Variants in GRIK2 observed in about 807,000 individuals in gnomAD.
GRIK2 encodes glutamate receptor ionotropic, kainate 2.
Under a neutral mutation model 100.3 loss-of-function variants are expected in GRIK2, and 32 were observed. That is an observed-to-expected ratio of 0.32 (90% CI 0.24 to 0.43). The LOEUF (loss-of-function observed/expected upper bound fraction) is 0.43, where lower values mean the gene tolerates loss of function less well. GRIK2 is among the 20% of genes least tolerant of loss of function. The pLI is 1.00. For missense variants in GRIK2, 843 were observed against 1,114.9 expected, an observed-to-expected ratio of 0.76 and a Z score of 3.47; for synonymous variants, 417 against 389.4, an observed-to-expected ratio of 1.07 and a Z score of -0.83.
At chr6:102,065,835 C>G (rs1258935669) in intron 16 of GRIK2, 1 of 1,503,648 alleles carries the variant, frequency 6.7e-7, no homozygotes, top group Non-Finnish European at 8.9e-7. Context: ...ATGTATTCCT[C>G]CCTATTTTGG....
intron 7 of GRIK2, among the ~76,000 whole-genome samples, chr6:101,735,882 A>G (rs74189177): frequency 0.033 from 5,000 of 152,308 alleles, 141 homozygotes; most frequent in East Asian, 0.12. Context: ...CATCTGAGAT[A>G]AGGCAAGTTC....
At chr6:101,671,317 T>C (rs1445627380) in intron 4 of GRIK2, among the ~76,000 whole-genome samples, 1 of 152,174 alleles carries the variant, frequency 6.6e-6, no homozygotes, top group East Asian at 1.9e-4. Context: ...CATTATTAGT[T>C]ATTTAATAAC....
At chr6:101,903,653 A>T (rs1788026777) in intron 12 of GRIK2, among the ~76,000 whole-genome samples, 1 of 151,676 alleles carries the variant, frequency 6.6e-6, no homozygotes, top group Non-Finnish European at 1.5e-5. Flanking sequence ...CATTACTCTA[A>T]TATTTTAAGT....
chr6:101,595,698 A>G lies in GRIK2; in HGVS notation c.116-26251A>G, dbSNP rs796701820. 1.3e-3 allele frequency among the ~76,000 whole-genome samples: 172 copies of G among 136,718 alleles called. 1 individual carries two copies. Among genetic ancestry groups the G allele is most frequent in the East Asian group, 8.7e-3 (40 of 4,584 alleles). The allele number at this position is 136,718 out of a possible 152,430, so 89.7% of individuals were successfully genotyped here. ...AATATATTTGTGCATGTATATATAT[A>G]TGTGTGTGTGTGTGTGTGTGTATAT... is the stretch of plus-strand genomic sequence containing the variant. On this transcript the variant is annotated intron_variant, in intron 2 of 16. Transcript: ENST00000369134.
intron 7 of GRIK2, among the ~76,000 whole-genome samples, chr6:101,798,935 T>C (rs1780490699): frequency 6.6e-6 from 1 of 152,134 alleles, no homozygotes; most frequent in Non-Finnish European, 1.5e-5. Context: ...TCATATTTGT[T>C]TTACCTGAGA....
chr6:101,668,878 AT>A (rs1376592528), intron 4 of GRIK2, among the ~76,000 whole-genome samples: 1 of 152,178 alleles, frequency 6.6e-6, no homozygotes, highest in African/African-American at 2.4e-5. Context: ...CTCCTCCTGG[AT>A]TCTCCTTAAA....
intron 11 of GRIK2, among the ~76,000 whole-genome samples, chr6:101,876,143 G>A (rs1326460713): frequency 6.6e-6 from 1 of 151,700 alleles, no homozygotes; most frequent in Non-Finnish European, 1.5e-5. Flanking sequence ...AACATGTTTA[G>A]GTGAGCCTGT....
intron 7 of GRIK2, 128 bp downstream of exon 7, chr6:101,686,481 G>C (rs573556062): frequency 3.2e-6 from 2 of 622,026 alleles, no homozygotes; most frequent in East Asian, 5.3e-5. Flanking sequence ...CAAAATATCA[G>C]AGCTACAATG....
At chr6:101,836,661 ATTTTTTT>A (rs1194200766) in intron 10 of GRIK2, among the ~76,000 whole-genome samples, 3 of 57,806 alleles carry the variant, frequency 5.2e-5, no homozygotes, top group African/African-American at 2.4e-4. Context: ...ATATATATAT[ATTTTTTT>A]TTTTTTTTTT....
At chr6:101,845,127 C>T (rs1783734428) in intron 10 of GRIK2, among the ~76,000 whole-genome samples, 1 of 151,968 alleles carries the variant, frequency 6.6e-6, no homozygotes, top group Non-Finnish European at 1.5e-5. Context: ...TCAAGCAGTC[C>T]TCCCACTTCA....
chr6:101,647,944 G>A (rs369655588), intron 4 of GRIK2, among the ~76,000 whole-genome samples: 13 of 151,982 alleles, frequency 8.6e-5, no homozygotes, highest in African/African-American at 2.7e-4. Context: ...GTCATGGGGG[G>A]CTATTTTTTG....
chr6:102,056,825 C>T (rs142942105), intron 16 of GRIK2, among the ~76,000 whole-genome samples: 104 of 151,990 alleles, frequency 6.8e-4, no homozygotes, highest in Non-Finnish European at 1.3e-3. Flanking sequence ...CAGTACTTGA[C>T]ACTGAGGAAT....
chr6:101,650,494 C>T (rs1318538471), intron 4 of GRIK2, among the ~76,000 whole-genome samples: 1 of 152,092 alleles, frequency 6.6e-6, no homozygotes, highest in Non-Finnish European at 1.5e-5. Flanking sequence ...CATCCATAAT[C>T]AGCTGTGCCC....
At chr6:101,944,390 G>A (rs1333165950) in intron 14 of GRIK2, among the ~76,000 whole-genome samples, 3 of 152,202 alleles carry the variant, frequency 2.0e-5, no homozygotes, top group African/African-American at 7.2e-5. Flanking sequence ...CATAGACACA[G>A]TTGTTAATAT....
At chr6:101,606,355 T>G (rs564330235) in intron 2 of GRIK2, among the ~76,000 whole-genome samples, 1 of 152,178 alleles carries the variant, frequency 6.6e-6, no homozygotes, top group African/African-American at 2.4e-5. Flanking sequence ...AAGGGTCTTA[T>G]GGGTACCTTT....
At chr6:101,823,373 A>G (rs1782086096) in intron 10 of GRIK2, among the ~76,000 whole-genome samples, 1 of 152,068 alleles carries the variant, frequency 6.6e-6, no homozygotes, top group Admixed American at 6.5e-5. Context: ...TTATTTTTGA[A>G]TTAAGATTTA....
At chr6:101,704,402 A>G (rs1182468944) in intron 7 of GRIK2, among the ~76,000 whole-genome samples, 1 of 151,594 alleles carries the variant, frequency 6.6e-6, no homozygotes, top group Admixed American at 6.6e-5. Context: ...GGCTGGGAGG[A>G]TAGGGGATTT....
chr6:101,912,723 G>T (rs1043981943), intron 12 of GRIK2, among the ~76,000 whole-genome samples: 1 of 151,422 alleles, frequency 6.6e-6, no homozygotes, highest in South Asian at 2.1e-4. Flanking sequence ...CACTTTTTCT[G>T]AGTGCTGTTT....
chr6:101,644,594 A>G (rs1416307461), intron 4 of GRIK2, among the ~76,000 whole-genome samples: 1 of 151,866 alleles, frequency 6.6e-6, no homozygotes, highest in Non-Finnish European at 1.5e-5. Flanking sequence ...AGGCATAAAT[A>G]GGTTCCAAAG....
Sources: gnomAD v4.1 joint callset for allele counts (sites outside exome capture counted in the v4.1 genomes callset) on GRCh38, gnomAD v4.1.1 for gene constraint, MANE v1.5 for transcripts, NCBI Gene and HGNC (gene_info 2026-07-23, HGNC 2026-07-21) for gene names.